TRPM3: variants seen among roughly 807,000 people sequenced by gnomAD.
The protein encoded by TRPM3 is long transient receptor potential channel 3.
Under a neutral mutation model 181.2 loss-of-function variants are expected in TRPM3, and 77 were observed. The ratio of observed to expected loss-of-function variants is 0.42; its 90% confidence interval spans 0.35 to 0.51. The LOEUF is 0.51. TRPM3 is among the 20% of genes least tolerant of loss of function. TRPM3 has a pLI of 0.01. For missense variants in TRPM3, 1,759 were observed against 2,196.7 expected (o/e 0.80, Z 3.98); for synonymous variants, 745 against 796.4 (o/e 0.94, Z 1.09).
chr9:70,652,725 A>G (rs2059747628), intron 9 of TRPM3, among the ~76,000 whole-genome samples: 1 of 152,208 alleles, frequency 6.6e-6, no homozygotes, highest in African/African-American at 2.4e-5. Flanking sequence ...CCCTCAAAGT[A>G]GAAAATAGTT....
At chr9:71,185,510 C>T (rs558152843) in intron 1 of TRPM3, among the ~76,000 whole-genome samples, 8 of 152,084 alleles carry the variant, frequency 5.3e-5, no homozygotes, top group African/African-American at 1.7e-4. Context: ...CAGGTAAGAA[C>T]TATACTGTTA....
At position 70,660,195 on chromosome 9, in the gene TRPM3, A is replaced by T. The variant is rs542181463; in HGVS notation, c.1346-19535T>A. Among the ~76,000 whole-genome samples the T allele has an allele frequency of 5.4e-3, 827 of 152,270 alleles. 5 individuals are homozygous for T. The highest frequency in any genetic ancestry group is 8.5e-3 in the Non-Finnish European group (579 of 67,986). On this transcript the variant is annotated intron_variant, in intron 9 of 25. Coordinates refer to ENST00000677713, the MANE Select transcript of TRPM3 (RefSeq NM_001366145.2). ...AGGGGGAGTATGTCAAAGGAAAATC[A>T]GTCTTGGGGCCTCCAAATCACTGAG...
intron 1 of TRPM3, among the ~76,000 whole-genome samples, chr9:71,202,596 A>C (rs1024847332): frequency 4.6e-5 from 7 of 152,182 alleles, no homozygotes; most frequent in Non-Finnish European, 1.0e-4. Context: ...GCAGGTACAC[A>C]AAACCTCATG....
At chr9:70,964,621 G>C (rs1371166933) in intron 1 of TRPM3, among the ~76,000 whole-genome samples, 4 of 152,106 alleles carry the variant, frequency 2.6e-5, no homozygotes, top group Non-Finnish European at 1.5e-5. Context: ...ATTCTGAGCT[G>C]ATGTGAATTA....
chr9:71,363,697 G>T (rs1221202044), intron 1 of TRPM3, among the ~76,000 whole-genome samples: 1 of 152,102 alleles, frequency 6.6e-6, no homozygotes, highest in African/African-American at 2.4e-5. Context: ...TATACGCACT[G>T]CACTTCCTCT....
At chr9:70,671,528 G>GTGAT (rs769512259) in intron 9 of TRPM3, among the ~76,000 whole-genome samples, 5 of 102,664 alleles carry the variant, frequency 4.9e-5, no homozygotes, top group Non-Finnish European at 9.9e-5. Context: ...AAAGGTAACA[G>GTGAT]TGATTATTAT....
rs543875338 is a variant in TRPM3 at position 71,044,790 on chromosome 9, G to A, written c.177+76388C>T. Among the ~76,000 whole-genome samples, 11 of 152,108 alleles carry A rather than the reference G, an allele frequency of 7.2e-5. No homozygotes were observed. In the East Asian group the frequency reaches 2.0e-3, roughly 27 times the overall value. ...GGGTTCACGCCATTCTCCTGCCTCA[G>A]CCTCCCAAGTAGCTGGGACTACAGG... On this transcript the variant is annotated intron_variant, in intron 1 of 25. Transcript: ENST00000677713.
rs570049267 is a variant in TRPM3, at chr9:70,661,434, AC to A, written c.1345+20071del. On this transcript the variant is annotated intron_variant, in intron 9 of 25. Coordinates refer to ENST00000677713, the MANE Select transcript of TRPM3 (RefSeq NM_001366145.2). The stretch of plus-strand genomic sequence containing the variant: ...ATTCAACTTAGTACTGGAAGTCCTA[AC>A]CAGAGCAATCAGACAAGAGAAAGAA... Among the ~76,000 whole-genome samples, 298 of 152,192 alleles carry A rather than the reference AC, an allele frequency of 2.0e-3. 1 individual carries two copies. Among genetic ancestry groups the A allele is most frequent in the African/African-American group, 6.7e-3 (279 of 41,562 alleles).
At chr9:70,857,621 A>G (rs1254881294) in intron 3 of TRPM3, among the ~76,000 whole-genome samples, 1 of 152,210 alleles carries the variant, frequency 6.6e-6, no homozygotes, top group Non-Finnish European at 1.5e-5. Flanking sequence ...TGCTAGGTGT[A>G]TACAACAGAG....
chr9:71,326,206 A>C (rs1177475661), intron 1 of TRPM3, among the ~76,000 whole-genome samples: 2 of 152,226 alleles, frequency 1.3e-5, no homozygotes, highest in East Asian at 3.9e-4. Context: ...ATCTTGTAGC[A>C]AACAAAATGT....
chr9:70,680,860 C>A (rs1053700362), intron 9 of TRPM3, among the ~76,000 whole-genome samples: 1 of 152,128 alleles, frequency 6.6e-6, no homozygotes, highest in Non-Finnish European at 1.5e-5. Context: ...GGAAACTGCT[C>A]TTCATATGGC....
chr9:70,785,642 T>C (rs1267112414), intron 6 of TRPM3, among the ~76,000 whole-genome samples: 1 of 152,224 alleles, frequency 6.6e-6, no homozygotes, highest in Non-Finnish European at 1.5e-5. Flanking sequence ...TGCTTCCCCG[T>C]AATGAGTAAT....
At chr9:70,785,940 T>C (rs1232525241) in intron 6 of TRPM3, among the ~76,000 whole-genome samples, 3 of 152,130 alleles carry the variant, frequency 2.0e-5, no homozygotes, top group African/African-American at 7.2e-5. Flanking sequence ...GAGAGACAAG[T>C]GACCTGGGGA....
intron 12 of TRPM3, among the ~76,000 whole-genome samples, chr9:70,633,366 G>C (rs910585948): frequency 2.0e-5 from 3 of 152,180 alleles, no homozygotes; most frequent in African/African-American, 7.2e-5. Flanking sequence ...AGGTTCAAAG[G>C]AAAGAGAAAT....
At chr9:70,615,865 AG>A in intron 18 of TRPM3, 42 bp downstream of exon 18, 1 of 1,554,210 alleles carries the variant, frequency 6.4e-7, no homozygotes, top group South Asian at 1.3e-5. Context: ...CAAGTGGATT[AG>A]GAATTCTGCC....
intron 1 of TRPM3, among the ~76,000 whole-genome samples, chr9:71,211,862 G>C (rs1164064514): frequency 1.3e-5 from 2 of 152,146 alleles, no homozygotes; most frequent in Non-Finnish European, 2.9e-5. Flanking sequence ...CACGTTCTGA[G>C]GTACTGTGGG....
At chr9:71,406,733 A>G (rs2093442552) in intron 1 of TRPM3, among the ~76,000 whole-genome samples, 2 of 152,204 alleles carry the variant, frequency 1.3e-5, no homozygotes. Flanking sequence ...CATAACAAGC[A>G]GTTTCCATTG....
chr9:70,776,530 AACTGAAT>A, intron 7 of TRPM3: 1 of 688,706 alleles, frequency 1.5e-6, no homozygotes, highest in Non-Finnish European at 2.7e-6. Context: ...GAAATAAGTA[AACTGAAT>A]GCCCTTAAAA....
intron 25 of TRPM3, among the ~76,000 whole-genome samples, chr9:70,547,081 G>T (rs756191106): frequency 2.0e-4 from 31 of 152,126 alleles, no homozygotes; most frequent in Non-Finnish European, 4.1e-4. Flanking sequence ...GCAGGAGGAG[G>T]AGTATGAATC....
Sources: gnomAD v4.1 joint callset for allele counts (sites outside exome capture counted in the v4.1 genomes callset) on GRCh38, gnomAD v4.1.1 for gene constraint, MANE v1.5 for transcripts, NCBI Gene and HGNC (gene_info 2026-07-23, HGNC 2026-07-21) for gene names.